Variants in NELL2 observed in about 807,000 individuals in gnomAD.
The protein encoded by NELL2 is protein kinase C-binding protein NELL2.
In NELL2, 41 loss-of-function variants were observed where a neutral mutation model predicts 109.6. The ratio of observed to expected loss-of-function variants is 0.37; its 90% CI spans 0.29 to 0.49. The LOEUF (loss-of-function observed/expected upper bound fraction) is 0.49, where lower values mean the gene tolerates loss of function less well. Among genes scored for constraint, NELL2 ranks in the 20% least tolerant of loss-of-function variants. The pLI is 0.98. For missense variants in NELL2, 900 were observed against 1,008.3 expected, an observed-to-expected ratio of 0.89 and a Z score of 1.45; for synonymous variants, 355 against 344.7, an observed-to-expected ratio of 1.03 and a Z score of -0.33.
intron 13 of NELL2, among the ~76,000 whole-genome samples, chr12:44,655,829 AG>A (rs1202961137): frequency 5.3e-5 from 8 of 152,354 alleles, no homozygotes; most frequent in African/African-American, 1.9e-4. Flanking sequence ...GAACCACAGG[AG>A]ATGAATGAGG....
chr12:44,838,633 C>A (rs549963193), intron 2 of NELL2, among the ~76,000 whole-genome samples: 3 of 150,064 alleles, frequency 2.0e-5, no homozygotes, highest in African/African-American at 7.4e-5. Context: ...TAACATATCT[C>A]TCACACATGT....
In NELL2 at chr12:44,646,144, A is replaced by C. The variant is rs145983023; in HGVS notation, c.1444+19340T>G. On this transcript the variant is annotated intron_variant, in intron 13 of 19. Coordinates refer to ENST00000429094, the MANE Select transcript of NELL2 (RefSeq NM_001145108.2). ...AATAAATAGTACTTTTTTTTAAACC[A>C]CTTGTTCTAGGCACTACTGAAAATA... Among the ~76,000 whole-genome samples, 281 of 152,012 alleles carry C rather than the reference A, an allele frequency of 1.8e-3. 1 individual carries two copies. The highest frequency in any genetic ancestry group is 6.3e-3 in the African/African-American group (261 of 41,452).
intron 19 of NELL2, among the ~76,000 whole-genome samples, chr12:44,514,564 C>A (rs1941165360): frequency 6.6e-6 from 1 of 150,976 alleles, no homozygotes; most frequent in Admixed American, 6.6e-5. Flanking sequence ...CTTACTGTGC[C>A]AACTTATAAA....
At chr12:44,662,703 T>C (rs959130652) in intron 13 of NELL2, among the ~76,000 whole-genome samples, 9 of 152,356 alleles carry the variant, frequency 5.9e-5, no homozygotes, top group African/African-American at 1.9e-4. Flanking sequence ...TCTTTATTGA[T>C]CAAAGCTCTT....
At chr12:44,557,137 G>A (rs1338655828) in intron 15 of NELL2, among the ~76,000 whole-genome samples, 1 of 152,082 alleles carries the variant, frequency 6.6e-6, no homozygotes, top group Admixed American at 6.5e-5. Context: ...CCCATGAAAT[G>A]TCCTGGTCCC....
intron 9 of NELL2, among the ~76,000 whole-genome samples, chr12:44,718,463 A>G (rs1165527507): frequency 6.6e-6 from 1 of 152,200 alleles, no homozygotes; most frequent in Non-Finnish European, 1.5e-5. Context: ...AATTGCATGC[A>G]CATGTTTACA....
intron 11 of NELL2, 70 bp downstream of exon 11, chr12:44,711,221 CT>C: frequency 9.0e-7 from 1 of 1,116,306 alleles, no homozygotes; most frequent in South Asian, 1.3e-5. Context: ...AGAATTTCTA[CT>C]TCATGTCAGT....
chr12:44,785,924 C>T (rs1402811740), intron 3 of NELL2, among the ~76,000 whole-genome samples: 1 of 152,098 alleles, frequency 6.6e-6, no homozygotes, highest in Non-Finnish European at 1.5e-5. Context: ...ACCATAAAAA[C>T]CCTAGAAGAA....
At chr12:44,876,783 G>C, upstream of NELL2, 4 of 1,404,232 alleles carry the variant, frequency 2.8e-6, no homozygotes, top group Non-Finnish European at 3.7e-6. Flanking sequence ...TCCCCCTCCA[G>C]GGCGTGCGGA....
chr12:44,654,589 C>T (rs927351436), intron 13 of NELL2, among the ~76,000 whole-genome samples: 2 of 152,160 alleles, frequency 1.3e-5, no homozygotes, highest in African/African-American at 4.8e-5. Context: ...TATTCCACAA[C>T]CAGATTCCTG....
At chr12:44,592,405 C>G (rs1020962886) in intron 15 of NELL2, among the ~76,000 whole-genome samples, 3 of 152,092 alleles carry the variant, frequency 2.0e-5, no homozygotes, top group African/African-American at 4.8e-5. Flanking sequence ...AGGAAAATAT[C>G]TTGATTACTT....
chr12:44,714,684 G>GAAT lies in NELL2; in HGVS notation c.1049_1051dup (p.Tyr350dup). The GAAT allele has an allele frequency of 6.2e-7, 1 of 1,602,758 alleles. No individual in the cohort carries two copies. On this transcript the variant is annotated inframe_insertion, in exon 10 of 20. Transcript: ENST00000429094. ...ATAGAGAACACATACTCCAGAAGAG[G>GAAT]AATAGACTGTATTTCTTTCTCCTTC... is the stretch of plus-strand genomic sequence containing the variant.
intron 13 of NELL2, among the ~76,000 whole-genome samples, chr12:44,625,598 T>C (rs1946228726): frequency 1.3e-5 from 2 of 152,024 alleles, no homozygotes; most frequent in Middle Eastern, 3.4e-3. Context: ...TTAAAAAAAA[T>C]GGAGCAGGTT....
At chr12:44,868,497 C>A (rs2658950) in intron 2 of NELL2, among the ~76,000 whole-genome samples, 11,615 of 151,998 alleles carry the variant, frequency 0.076, 779 homozygotes, top group East Asian at 0.23. Context: ...AAAGAACATA[C>A]GAATGCAAAT....
intron 15 of NELL2, among the ~76,000 whole-genome samples, chr12:44,575,071 T>C (rs1347835377): frequency 2.6e-5 from 4 of 152,238 alleles, no homozygotes; most frequent in Non-Finnish European, 2.9e-5. Flanking sequence ...TTTCTTCCCT[T>C]ACAGCATAAG....
chr12:44,603,557 A>G (rs1379640163), intron 15 of NELL2, among the ~76,000 whole-genome samples: 1 of 152,178 alleles, frequency 6.6e-6, no homozygotes, highest in Admixed American at 6.5e-5. Context: ...GAATTACCCA[A>G]GAAATAATCA....
intron 13 of NELL2, among the ~76,000 whole-genome samples, chr12:44,643,449 A>G (rs1404959773): frequency 1.3e-5 from 2 of 152,204 alleles, no homozygotes; most frequent in Admixed American, 1.3e-4. Context: ...TGTAGAAAAA[A>G]GAATAAAAAG....
intron 13 of NELL2, among the ~76,000 whole-genome samples, chr12:44,656,825 A>G (rs1425736405): frequency 6.6e-6 from 1 of 152,206 alleles, no homozygotes; most frequent in East Asian, 1.9e-4. Flanking sequence ...TGTGATTTTG[A>G]TAAATCCATT....
At chr12:44,909,742 GAC>G (rs71435995) in intron 1 of NELL2, among the ~76,000 whole-genome samples, 12,931 of 144,246 alleles carry the variant, frequency 0.09, 635 homozygotes, top group East Asian at 0.18. Flanking sequence ...CACAGACACA[GAC>G]ACACACACAC....
Sources: gnomAD v4.1 joint callset for allele counts (sites outside exome capture counted in the v4.1 genomes callset) on GRCh38, gnomAD v4.1.1 for gene constraint, MANE v1.5 for transcripts, NCBI Gene and HGNC (gene_info 2026-07-23, HGNC 2026-07-21) for gene names.